MDGA2: variants seen among roughly 807,000 people sequenced by gnomAD.
The protein encoded by MDGA2 is MAM domain containing glycosylphosphatidylinositol anchor 2, also known as MAM domain-containing glycosylphosphatidylinositol anchor protein 2.
In MDGA2, 40 loss-of-function variants were observed where a neutral mutation model predicts 117.8. The ratio of observed to expected loss-of-function variants is 0.34; its 90% CI spans 0.26 to 0.44. The LOEUF (loss-of-function observed/expected upper bound fraction) is 0.44, where lower values mean the gene tolerates loss of function less well. MDGA2 is among the 20% of genes least tolerant of loss of function. The pLI, the probability that MDGA2 is intolerant of heterozygous loss-of-function variation, is 1.00. For missense variants in MDGA2, 1,123 were observed against 1,250.6 expected (o/e 0.90, Z 1.54); for synonymous variants, 452 against 439.0 (o/e 1.03, Z -0.37).
At chr14:47,294,548 T>C (rs1259721527) in intron 2 of MDGA2, among the ~76,000 whole-genome samples, 2 of 150,406 alleles carry the variant, frequency 1.3e-5, no homozygotes, top group Non-Finnish European at 3.0e-5. Context: ...GATATGTTTA[T>C]CACAGACGAA....
At chr14:47,548,357 T>C (rs1895505939) in intron 1 of MDGA2, among the ~76,000 whole-genome samples, 1 of 152,162 alleles carries the variant, frequency 6.6e-6, no homozygotes, top group Non-Finnish European at 1.5e-5. Context: ...CGACTTTTTT[T>C]CTTTTTTTTT....
chr14:47,435,152 A>G (rs1892872741), intron 1 of MDGA2, among the ~76,000 whole-genome samples: 1 of 152,142 alleles, frequency 6.6e-6, no homozygotes, highest in Non-Finnish European at 1.5e-5. Context: ...AAAACAAAGC[A>G]AAACAAACCA....
chr14:47,530,156 A>C (rs894117757), intron 1 of MDGA2, among the ~76,000 whole-genome samples: 1 of 152,148 alleles, frequency 6.6e-6, no homozygotes, highest in African/African-American at 2.4e-5. Flanking sequence ...AATGGAATGC[A>C]ACCCTTGTGG....
intron 2 of MDGA2, among the ~76,000 whole-genome samples, chr14:47,232,371 C>A (rs968416303): frequency 1.3e-5 from 2 of 151,770 alleles, no homozygotes; most frequent in African/African-American, 4.8e-5. Context: ...TCTTGGTGGG[C>A]AAGTGCTGTG....
intron 5 of MDGA2, among the ~76,000 whole-genome samples, chr14:47,106,091 C>CT (rs1198169789): frequency 1.3e-5 from 2 of 152,192 alleles, no homozygotes; most frequent in Middle Eastern, 3.4e-3. Flanking sequence ...AGCGTTTAGG[C>CT]TTTTTTTCAT....
intron 1 of MDGA2, among the ~76,000 whole-genome samples, chr14:47,493,295 A>G (rs1164671889): frequency 6.7e-6 from 1 of 148,446 alleles, no homozygotes; most frequent in African/African-American, 2.5e-5. Context: ...ATATATTTAT[A>G]TATAATTTTA....
At chr14:47,648,401 A>G (rs1025261025) in intron 1 of MDGA2, among the ~76,000 whole-genome samples, 3 of 152,134 alleles carry the variant, frequency 2.0e-5, no homozygotes, top group African/African-American at 7.2e-5. Flanking sequence ...TATCTTTCCA[A>G]TGACAGTATA....
intron 1 of MDGA2, among the ~76,000 whole-genome samples, chr14:47,613,477 T>TCACACACACA (rs200626697): frequency 4.3e-5 from 6 of 138,160 alleles, no homozygotes; most frequent in African/African-American, 1.7e-4. Flanking sequence ...TCTCTCTCTC[T>TCACACACACA]CTCACACACA....
chr14:47,223,847 G>C (rs1886384139), intron 2 of MDGA2, among the ~76,000 whole-genome samples: 4 of 152,278 alleles, frequency 2.6e-5, no homozygotes, highest in Admixed American at 2.6e-4. Context: ...TACAATCATG[G>C]GGGAAGGGGA....
intron 15 of MDGA2, among the ~76,000 whole-genome samples, chr14:46,848,522 TCTC>T (rs1880932230): frequency 6.6e-6 from 1 of 151,886 alleles, no homozygotes; most frequent in African/African-American, 2.4e-5. Flanking sequence ...TTTCAAAACT[TCTC>T]CTACTACTGC....
chr14:47,475,083 A>G lies in MDGA2; in HGVS notation c.281-173533T>C, dbSNP rs147742307. 7.1e-3 allele frequency among the ~76,000 whole-genome samples: 1,079 copies of G among 152,296 alleles called. 12 individuals are homozygous for G. The highest frequency in any genetic ancestry group is 0.025 in the African/African-American group (1,021 of 41,558). The stretch of plus-strand genomic sequence containing the variant: ...GGGAGAAAATTTTTGCAATCTATCT[A>G]TCTGACAAAGGTTTAATATCCAGAG... On this transcript the variant is annotated intron_variant, in intron 1 of 16. Coordinates refer to ENST00000399232, the MANE Select transcript of MDGA2 (RefSeq NM_001113498.3).
At chr14:47,128,405 T>C (rs1376469723) in intron 5 of MDGA2, among the ~76,000 whole-genome samples, 1 of 152,104 alleles carries the variant, frequency 6.6e-6, no homozygotes, top group Non-Finnish European at 1.5e-5. Flanking sequence ...CCATAGTAAT[T>C]CTTTTATTCA....
chr14:47,206,422 C>T (rs932435076), intron 3 of MDGA2, among the ~76,000 whole-genome samples: 9 of 151,600 alleles, frequency 5.9e-5, no homozygotes, highest in African/African-American at 1.9e-4. Flanking sequence ...GAGACCTCGT[C>T]TGTACAGAAA....
intron 1 of MDGA2, among the ~76,000 whole-genome samples, chr14:47,339,139 A>C (rs60279394): frequency 0.024 from 3,680 of 152,182 alleles, 161 homozygotes; most frequent in African/African-American, 0.085. Context: ...TTATAATCAT[A>C]TACTCTTCAA....
intron 10 of MDGA2, among the ~76,000 whole-genome samples, chr14:46,904,887 T>C (rs1212799257): frequency 6.6e-6 from 1 of 152,202 alleles, no homozygotes; most frequent in Non-Finnish European, 1.5e-5. Flanking sequence ...AATTCACATT[T>C]GTACTATTAG....
At chr14:47,129,542 C>T (rs1257112966) in intron 5 of MDGA2, among the ~76,000 whole-genome samples, 3 of 147,552 alleles carry the variant, frequency 2.0e-5, no homozygotes, top group African/African-American at 7.5e-5. Context: ...AATAATGCCG[C>T]AATAAACATA....
rs975650465 is a variant in MDGA2 at position 47,500,994 on chromosome 14, A to C, written c.280+173523T>G. The stretch of plus-strand genomic sequence containing the variant: ...AGTGAATTTTGTTAGATTACATATT[A>C]ATGTATATTTTATAATGCAAAAATA... On this transcript the variant is annotated intron_variant, in intron 1 of 16. Coordinates refer to ENST00000399232, the MANE Select transcript of MDGA2 (RefSeq NM_001113498.3). Among the ~76,000 whole-genome samples the C allele has an allele frequency of 1.3e-5, 2 of 152,286 alleles. 1 individual carries two copies. Among genetic ancestry groups the C allele is most frequent in the South Asian group, 4.1e-4 (2 of 4,822 alleles).
intron 1 of MDGA2, among the ~76,000 whole-genome samples, chr14:47,314,989 TAAC>T (rs1247744010): frequency 1.3e-5 from 2 of 152,136 alleles, no homozygotes; most frequent in African/African-American, 2.4e-5. Flanking sequence ...ACTAGAATGT[TAAC>T]AATGATGATG....
chr14:47,581,739 A>G (rs1406937348), intron 1 of MDGA2, among the ~76,000 whole-genome samples: 1 of 151,956 alleles, frequency 6.6e-6, no homozygotes, highest in Non-Finnish European at 1.5e-5. Flanking sequence ...AATGGTCCCA[A>G]AATGAAAACA....
Sources: gnomAD v4.1 joint callset for allele counts (sites outside exome capture counted in the v4.1 genomes callset) on GRCh38, gnomAD v4.1.1 for gene constraint, MANE v1.5 for transcripts, NCBI Gene and HGNC (gene_info 2026-07-23, HGNC 2026-07-21) for gene names.